The following C14orf39 variants were observed in gnomAD, a reference collection of about 807,000 sequenced individuals.
The protein encoded by C14orf39 is chromosome 14 open reading frame 39, also known as protein SIX6OS1.
Under a neutral mutation model 85.6 loss-of-function variants are expected in C14orf39, and 66 were observed. That is an observed-to-expected ratio of 0.77 (90% confidence interval 0.63 to 0.95). C14orf39 has a LOEUF of 0.95. C14orf39 is among the 40% of genes least tolerant of loss of function. C14orf39 has a pLI of 0.00. For missense variants in C14orf39, 735 were observed against 663.9 expected, an observed-to-expected ratio of 1.11 and a Z score of -1.18; for synonymous variants, 242 against 214.0, an observed-to-expected ratio of 1.13 and a Z score of -1.14.
At chr14:60,451,192 G>C (rs1483683241) in intron 16 of C14orf39, among the ~76,000 whole-genome samples, 1 of 152,112 alleles carries the variant, frequency 6.6e-6, no homozygotes, top group Non-Finnish European at 1.5e-5. Flanking sequence ...GGAAACAACA[G>C]GTGCTGGAGA....
intron 16 of C14orf39, among the ~76,000 whole-genome samples, chr14:60,443,059 G>C (rs1277073831): frequency 1.3e-5 from 2 of 151,820 alleles, no homozygotes; most frequent in Non-Finnish European, 2.9e-5. Context: ...TCGCTTCCAA[G>C]ATGGCCAAAT....
At chr14:60,488,650 T>C (rs898011203), upstream of C14orf39, among the ~76,000 whole-genome samples, 2 of 152,204 alleles carry the variant, frequency 1.3e-5, no homozygotes, top group African/African-American at 4.8e-5. Context: ...TTTCTTCCTT[T>C]TATTGCTTAA....
chr14:60,507,876 G>C (rs1407623454), intron 1 of C14orf39, among the ~76,000 whole-genome samples: 1 of 152,092 alleles, frequency 6.6e-6, no homozygotes, highest in Non-Finnish European at 1.5e-5. Flanking sequence ...TTGTTATACA[G>C]CCCCCTACCA....
upstream of C14orf39, among the ~76,000 whole-genome samples, chr14:60,490,491 G>A (rs996696434): frequency 1.1e-3 from 163 of 150,198 alleles, no homozygotes; most frequent in Non-Finnish European, 1.9e-3. Flanking sequence ...AAATAAATAG[G>A]TGCACACCTG....
At position 60,461,581 on chromosome 14, in the gene C14orf39, A is replaced by G. The variant is rs1247582101; in HGVS notation, c.985T>C (p.Ser329Pro). The G allele has an allele frequency of 1.3e-6, 2 of 1,553,376 alleles. No individual in the cohort carries two copies. Among genetic ancestry groups the G allele is most frequent in the South Asian group, 2.5e-5 (2 of 79,514 alleles). ...CATTTTGAATGGTTATCCACAGCAG[A>G]GTCATTAAATATCTGAAAGAAAGAA... ...KENDTQIFND[S>P]AVDNHSKCSH... The change falls in exon 12 of 18, where the codon TCT becomes CCT. Residue 329 changes from serine (S) to proline (P), a missense_variant. Ser to Pro is a moderately conservative substitution (Grantham distance 74). Coordinates refer to ENST00000321731, the MANE Select transcript of C14orf39 (RefSeq NM_174978.3).
At chr14:60,489,620 T>A (rs1286551066), upstream of C14orf39, among the ~76,000 whole-genome samples, 5 of 152,162 alleles carry the variant, frequency 3.3e-5, 1 homozygote, top group Non-Finnish European at 5.9e-5. Flanking sequence ...TAAAGCCAAT[T>A]CCTCCACCTG....
chr14:60,470,839 A>G (rs1406981748), intron 7 of C14orf39, among the ~76,000 whole-genome samples: 1 of 151,954 alleles, frequency 6.6e-6, no homozygotes, highest in African/African-American at 2.4e-5. Context: ...GTGGAGGTTG[A>G]AAGAGGATTA....
chr14:60,461,380 T>C lies in C14orf39; in HGVS notation c.1091A>G (p.Asn364Ser), dbSNP rs200653293. The C allele has an allele frequency of 1.8e-5, 29 of 1,611,156 alleles. No individual in the cohort carries two copies. The Admixed American group carries it at 1.8e-4, about 10-fold the overall frequency. Residue 364 changes from asparagine to serine, a missense_variant, in exon 13 of 18, where the codon AAT becomes AGT. By Grantham distance (46) the Asn-to-Ser change is conservative (BLOSUM62 1). Transcript: ENST00000321731. ...TTTATCCCCTTTTTCCGACCACTGA[T>C]TGGAATTTGATTGTTTCTGTGGGGT... ...LLTPQKQSNSNQWSEKGDKDA... is the reference protein window; with the variant it reads ...LLTPQKQSNSSQWSEKGDKDA...
At chr14:60,472,703 C>T (rs1017078363) in intron 5 of C14orf39, among the ~76,000 whole-genome samples, 7 of 152,202 alleles carry the variant, frequency 4.6e-5, no homozygotes, top group African/African-American at 1.7e-4. Flanking sequence ...TGGTTTCCAG[C>T]TTCATCCTTG....
rs1231057300 is a variant in C14orf39, at chr14:60,471,665, G to A, written c.398C>T (p.Pro133Leu). The A allele has an allele frequency of 2.5e-6, 4 of 1,608,212 alleles. No homozygotes were observed. Among genetic ancestry groups the A allele is most frequent in the Middle Eastern group, 1.7e-4 (1 of 6,030 alleles). ...KQYQLKYSET[P>L]FSREYYEKKR... Reference sequence around the variant, plus strand: ...CTTCTCATAATATTCACGTGAAAAGGGTGTTTCTGAGTATTTTAGTTGGTA... The same window carrying A: ...CTTCTCATAATATTCACGTGAAAAGAGTGTTTCTGAGTATTTTAGTTGGTA... Residue 133 changes from proline to leucine, a missense_variant, in exon 6 of 18, where the codon CCC (proline) becomes CTC (leucine). Coordinates refer to ENST00000321731, the MANE Select transcript of C14orf39 (RefSeq NM_174978.3).
intron 15 of C14orf39, among the ~76,000 whole-genome samples, chr14:60,455,433 T>C (rs1284851444): frequency 6.6e-6 from 1 of 152,064 alleles, no homozygotes; most frequent in African/African-American, 2.4e-5. Context: ...ATAGAAAGGT[T>C]AAATGATTTG....
intron 16 of C14orf39, among the ~76,000 whole-genome samples, chr14:60,453,335 A>G (rs1386161409): frequency 2.0e-5 from 3 of 151,976 alleles, no homozygotes; most frequent in Non-Finnish European, 4.4e-5. Flanking sequence ...AATATTCTTT[A>G]AGACTACCAG....
intron 17 of C14orf39, among the ~76,000 whole-genome samples, chr14:60,441,530 A>G (rs542914635): frequency 6.6e-6 from 1 of 152,350 alleles, no homozygotes. Flanking sequence ...GTACTATCTG[A>G]TAAATTATAC....
chr14:60,448,421 C>T (rs1057206638), intron 16 of C14orf39, among the ~76,000 whole-genome samples: 2 of 152,112 alleles, frequency 1.3e-5, no homozygotes, highest in Non-Finnish European at 2.9e-5. Flanking sequence ...CCAACAGACA[C>T]ATGAAAAAAT....
intron 16 of C14orf39, among the ~76,000 whole-genome samples, chr14:60,453,558 A>G (rs1051196103): frequency 3.3e-5 from 5 of 151,836 alleles, no homozygotes; most frequent in African/African-American, 9.7e-5. Context: ...TAATTATTAA[A>G]AAGCACATTA....
chr14:60,513,798 C>T (rs1893326713), intron 1 of C14orf39, among the ~76,000 whole-genome samples: 1 of 152,114 alleles, frequency 6.6e-6, no homozygotes, highest in South Asian at 2.1e-4. Context: ...TTTCTCTTTA[C>T]AAAATAATTT....
intron 2 of C14orf39, among the ~76,000 whole-genome samples, chr14:60,497,226 A>G (rs1393968808): frequency 6.6e-6 from 1 of 152,076 alleles, no homozygotes; most frequent in Non-Finnish European, 1.5e-5. Context: ...TCAACTTTAA[A>G]CTCAAGTATC....
At chr14:60,437,591 T>C (rs142672630) in intron 17 of C14orf39, among the ~76,000 whole-genome samples, 234 of 152,002 alleles carry the variant, frequency 1.5e-3, no homozygotes, top group African/African-American at 5.2e-3. Context: ...CAGGAGAGAA[T>C]AGGTATAAAG....
upstream of C14orf39, among the ~76,000 whole-genome samples, chr14:60,490,530 G>A (rs1035198890): frequency 1.8e-4 from 27 of 151,974 alleles, no homozygotes; most frequent in African/African-American, 5.5e-4. Context: ...AGGCTGGGGC[G>A]GGAAGATCAC....
Sources: gnomAD v4.1 joint callset for allele counts (sites outside exome capture counted in the v4.1 genomes callset) on GRCh38, gnomAD v4.1.1 for gene constraint, MANE v1.5 for transcripts, NCBI Gene and HGNC (gene_info 2026-07-23, HGNC 2026-07-21) for gene names.